Variants in TMED8 observed in about 807,000 individuals in gnomAD.
The protein encoded by TMED8 is transmembrane p24 trafficking protein family member 8.
A neutral mutation model predicts 32.7 loss-of-function variants in TMED8; 15 were observed. The ratio of observed to expected loss-of-function variants is 0.46; its 90% CI spans 0.31 to 0.71. TMED8 has a LOEUF of 0.71. Ranked by LOEUF, TMED8 falls within the 30% of genes least tolerant of loss-of-function variation. The pLI, the probability that TMED8 is intolerant of heterozygous loss-of-function variation, is 0.06. For missense variants in TMED8, 390 were observed against 423.9 expected (o/e 0.92, Z 0.70); for synonymous variants, 147 against 161.4 (o/e 0.91, Z 0.68).
At chr14:77,370,573 C>T (rs751704907) in intron 1 of TMED8, among the ~76,000 whole-genome samples, 12 of 152,078 alleles carry the variant, frequency 7.9e-5, no homozygotes, top group Non-Finnish European at 7.4e-5. Context: ...ATTTTAAAGA[C>T]TATTTTTATT....
chr14:77,357,153 T>C (rs1026128836), intron 1 of TMED8, among the ~76,000 whole-genome samples: 8 of 152,216 alleles, frequency 5.3e-5, no homozygotes, highest in African/African-American at 1.9e-4. Flanking sequence ...TATTGGACTG[T>C]GTTGATCTAG....
At chr14:77,343,129 A>C (rs1369574856) in intron 5 of TMED8, 49 bp downstream of exon 5, 1 of 1,576,860 alleles carries the variant, frequency 6.3e-7, no homozygotes, top group Non-Finnish European at 8.6e-7. Context: ...TGGTCACCAG[A>C]AATCAGATTA....
intron 1 of TMED8, among the ~76,000 whole-genome samples, chr14:77,375,764 C>T (rs1280090993): frequency 6.6e-6 from 1 of 152,138 alleles, no homozygotes; most frequent in Non-Finnish European, 1.5e-5. Flanking sequence ...ACACCTCTGG[C>T]GGCACAGGAA....
chr14:77,354,325 C>T (rs559887758), intron 1 of TMED8, among the ~76,000 whole-genome samples: 2 of 152,274 alleles, frequency 1.3e-5, no homozygotes, highest in African/African-American at 4.8e-5. Context: ...TTTCTAAGCC[C>T]ACTCTCTCCT....
intron 1 of TMED8, among the ~76,000 whole-genome samples, chr14:77,372,925 TATATATATATATATATATATATATA>T (rs1566696267): frequency 2.2e-3 from 64 of 29,040 alleles, no homozygotes; most frequent in African/African-American, 7.6e-3. Context: ...TATATATATA[TATATATATATATATATATATATATA>T]TATTTTTTTT....
chr14:77,349,106 C>CTTTTTTT lies in TMED8; in HGVS notation c.197+2560_197+2566dup, dbSNP rs33964835. 1.5e-4 allele frequency among the ~76,000 whole-genome samples: 14 copies of CTTTTTTT among 91,964 alleles called. 2 individuals are homozygous for CTTTTTTT. The highest frequency in any genetic ancestry group is 3.2e-4 in the African/African-American group (7 of 21,610). 60.3% of individuals were successfully genotyped at this position (91,964 alleles called of 152,430 possible). ...GCCTGCCACCTGGAACTCTAAGGCC[C>CTTTTTTT]TTTTTTTTTTTTTTTTTTTTTGGAG... On this transcript the variant is annotated intron_variant, in intron 2 of 5. Transcript: ENST00000216468.
chr14:77,366,472 C>T (rs900594888), intron 1 of TMED8, among the ~76,000 whole-genome samples: 5 of 152,204 alleles, frequency 3.3e-5, no homozygotes, highest in Admixed American at 6.5e-5. Flanking sequence ...CCTCTGGAGT[C>T]CTCCAGCCTT....
At chr14:77,368,456 T>C (rs932384520) in intron 1 of TMED8, among the ~76,000 whole-genome samples, 5 of 151,936 alleles carry the variant, frequency 3.3e-5, no homozygotes, top group African/African-American at 9.7e-5. Context: ...TATTACTGGA[T>C]TGTCCTTTTT....
chr14:77,359,162 G>C (rs983752365), intron 1 of TMED8, among the ~76,000 whole-genome samples: 3 of 151,880 alleles, frequency 2.0e-5, no homozygotes, highest in Admixed American at 6.6e-5. Flanking sequence ...TGCCCACCCC[G>C]GACTCCCAAA....
rs535047913 is a variant in TMED8, at chr14:77,376,886, G to A, written c.118+50C>T. 222 of 1,160,438 alleles carry A rather than the reference G, an allele frequency of 1.9e-4. 1 individual carries two copies. Among genetic ancestry groups the A allele is most frequent in the South Asian group, 3.7e-4 (20 of 53,500 alleles). 71.9% of individuals were successfully genotyped at this position (1,160,438 alleles called of 1,614,324 possible). On this transcript the variant is annotated intron_variant, in intron 1 of 5. Coordinates refer to ENST00000216468, the MANE Select transcript of TMED8 (RefSeq NM_213601.3). This position sits in a 1 kb window ranked among gnomAD's most constrained non-coding sequence, Gnocchi z 4.0. ...GGCGGAGGCTCGCGCCGTGGTGCGG[G>A]GCCCTGAGGCCGGGCGGCACCCACC... is the stretch of plus-strand genomic sequence containing the variant.
chr14:77,377,071 A>G lies in TMED8; in HGVS notation c.-18T>C. On this transcript the variant is annotated 5_prime_UTR_variant, in exon 1 of 6. Coordinates refer to ENST00000216468, the MANE Select transcript of TMED8 (RefSeq NM_213601.3). ...TCAGACATCTGCAGCCCGCGCACGG[A>G]GCTCTCCGCTGCCAGCCGCGAGTGG... is the stretch of plus-strand genomic sequence containing the variant. The G allele has an allele frequency of 7.5e-7, 1 of 1,337,130 alleles. No individual in the cohort carries two copies. The highest frequency in any genetic ancestry group is 1.8e-5 in the South Asian group (1 of 55,292). The allele number at this position is 1,337,130 out of a possible 1,614,324, so 82.8% of individuals were successfully genotyped here.
intron 1 of TMED8, among the ~76,000 whole-genome samples, chr14:77,367,018 G>A (rs944978931): frequency 6.6e-6 from 1 of 152,008 alleles, no homozygotes; most frequent in African/African-American, 2.4e-5. Flanking sequence ...CCCGAGGCAG[G>A]CAGATGGCTT....
At chr14:77,363,819 C>T (rs775872209) in intron 1 of TMED8, among the ~76,000 whole-genome samples, 1 of 151,966 alleles carries the variant, frequency 6.6e-6, no homozygotes, top group Non-Finnish European at 1.5e-5. Flanking sequence ...CCACAGCTGG[C>T]TCATTACTTT....
chr14:77,359,557 T>C, intron 1 of TMED8: 1 of 413,626 alleles, frequency 2.4e-6, no homozygotes, highest in Non-Finnish European at 4.8e-6. Context: ...TTTCATAATA[T>C]CTGCTATCGA....
intron 1 of TMED8, among the ~76,000 whole-genome samples, chr14:77,361,326 A>G (rs1342972898): frequency 1.3e-5 from 2 of 152,150 alleles, no homozygotes; most frequent in African/African-American, 4.8e-5. Context: ...TCCCAGAACC[A>G]TTTATTGAAG....
At position 77,376,867 on chromosome 14, in the gene TMED8, G is replaced by A. The variant is rs112929292; in HGVS notation, c.118+69C>T. ...GAAGCCCAGGACAGAGCGCGGCGGA[G>A]GCTCGCGCCGTGGTGCGGGGCCCTG... On this transcript the variant is annotated intron_variant, in intron 1 of 5. Coordinates refer to ENST00000216468, the MANE Select transcript of TMED8 (RefSeq NM_213601.3). The surrounding 1 kb of genome is among the most constrained non-coding windows in gnomAD (Gnocchi z 4.0). The A allele has an allele frequency of 2.9e-6, 3 of 1,023,548 alleles. No individual in the cohort carries two copies. The highest frequency in any genetic ancestry group is 4.4e-5 in the South Asian group (2 of 45,800). 63.4% of individuals were successfully genotyped at this position (1,023,548 alleles called of 1,614,324 possible). A position where few individuals can be genotyped will look rare whatever the true frequency, so the allele number is the denominator to read the frequency against.
rs1594833859 is a variant in TMED8 at position 77,335,851 on chromosome 14, A to G, written c.*5920T>C. 6.6e-6 allele frequency: 1 copy of G among 152,356 alleles called. No homozygotes were observed. Among genetic ancestry groups the G allele is most frequent in the East Asian group, 1.9e-4 (1 of 5,190 alleles). 9.4% of individuals were successfully genotyped at this position (152,356 alleles called of 1,614,324 possible). On this transcript the variant is annotated 3_prime_UTR_variant, in exon 6 of 6. Transcript: ENST00000216468. The stretch of plus-strand genomic sequence containing the variant: ...AAATGAAAGCTACTTCACTTACAGG[A>G]TAATCTCAGGAGACATGAGTGGAGT...
At chr14:77,357,081 T>C (rs1431584136) in intron 1 of TMED8, among the ~76,000 whole-genome samples, 1 of 152,198 alleles carries the variant, frequency 6.6e-6, no homozygotes, top group Non-Finnish European at 1.5e-5. Context: ...AAGTACTCAA[T>C]AGCCATGAGT....
chr14:77,347,116 T>C (rs978886751), intron 2 of TMED8, among the ~76,000 whole-genome samples: 9 of 151,854 alleles, frequency 5.9e-5, no homozygotes, highest in Admixed American at 5.2e-4. Context: ...CATCCTGCCC[T>C]CGGCTTCTGT....
Sources: allele counts gnomAD v4.1 joint callset (sites outside exome capture counted in the v4.1 genomes callset), GRCh38; gene constraint gnomAD v4.1.1; non-coding constraint Gnocchi (gnomAD v3.1); transcripts MANE v1.5; gene names NCBI Gene and HGNC (gene_info 2026-07-23, HGNC 2026-07-21).